The following FMNL3 variants were observed in gnomAD, a reference collection of about 807,000 sequenced individuals.
FMNL3 encodes the protein formin-like protein 3.
FMNL3 carries 57 observed loss-of-function variants against 119.6 expected under a neutral mutation model. The ratio of observed to expected loss-of-function variants is 0.48; its 90% CI spans 0.39 to 0.59. The LOEUF (loss-of-function observed/expected upper bound fraction) is 0.59, where lower values mean the gene tolerates loss of function less well. FMNL3 is among the 20% of genes least tolerant of loss of function. The probability of loss-of-function intolerance (pLI) is 0.00; values close to 1 mark genes in which losing one functional copy is unlikely to be tolerated. For synonymous variants in FMNL3, 491 were observed against 507.3 expected, an observed-to-expected ratio of 0.97 and a Z score of 0.43; for missense variants, 1,053 against 1,323.5, an observed-to-expected ratio of 0.80 and a Z score of 3.17.
rs763874091 is a variant in FMNL3 at position 49,668,450 on chromosome 12, CCT to C, written c.210+19_210+20del. ...CCAAGACACAACTCCCTACCTCCCT[CCT>C]CTTTCCCAAACCCCATACCTGGTCA... On this transcript the variant is annotated intron_variant, in intron 2 of 25. Transcript: ENST00000335154. The C allele has an allele frequency of 6.2e-7, 1 of 1,612,208 alleles. No individual in the cohort carries two copies. Among genetic ancestry groups the C allele is most frequent in the African/African-American group, 1.3e-5 (1 of 74,876 alleles).
Position 49,656,826 on chromosome 12 carries a change from G to C in FMNL3, c.788C>G (p.Pro263Arg). 1 of 1,613,578 alleles carries C rather than the reference G, an allele frequency of 6.2e-7. No individual in the cohort carries two copies. The highest frequency in any genetic ancestry group is 8.5e-7 in the Non-Finnish European group (1 of 1,179,512). ...EIALSLNNKNPRTKALVLELL... is the reference protein window; with the variant it reads ...EIALSLNNKNRRTKALVLELL... ...AAAGGGGAGGGAAGGAACTCACCTT[G>C]GATTCTTGTTATTGAGGCTAAGTGC... The change falls in exon 8 of 26, where the codon CCA (proline) becomes CGA (arginine). Residue 263 changes from proline (P) to arginine (R), a missense_variant. Around this residue, in one of 4 missense-constraint regions of FMNL3, gnomAD observed 445 missense variants for 628.4 expected, o/e 0.71. Transcript: ENST00000335154.
intron 1 of FMNL3, among the ~76,000 whole-genome samples, chr12:49,682,134 G>C (rs552106942): frequency 6.7e-6 from 1 of 150,174 alleles, no homozygotes; most frequent in South Asian, 2.1e-4. Context: ...GCAGTGGCTA[G>C]ATCTTGGCTC....
At chr12:49,677,753 T>C (rs1944229616) in intron 1 of FMNL3, among the ~76,000 whole-genome samples, 1 of 152,236 alleles carries the variant, frequency 6.6e-6, no homozygotes, top group African/African-American at 2.4e-5. Flanking sequence ...ACAGCATTGC[T>C]GTGAAAGAGG....
At chr12:49,677,512 T>A (rs1200068559) in intron 1 of FMNL3, among the ~76,000 whole-genome samples, 1 of 152,254 alleles carries the variant, frequency 6.6e-6, no homozygotes, top group Admixed American at 6.5e-5. Context: ...GATGATTAAA[T>A]AAGTTAATAT....
In FMNL3 at chr12:49,667,884, C is replaced by T. The variant is rs12321028; in HGVS notation, c.210+587G>A. On this transcript the variant is annotated intron_variant, in intron 2 of 25. Transcript: ENST00000335154. ...CTGCATACAGTCCTGTCTCATTTCACAGACTCGTGACTCATGATCTTCAAA... is the reference window on the plus strand; with the variant it reads ...CTGCATACAGTCCTGTCTCATTTCATAGACTCGTGACTCATGATCTTCAAA... 5.5e-3 allele frequency among the ~76,000 whole-genome samples: 842 copies of T among 152,334 alleles called. 5 individuals carry two copies. Among genetic ancestry groups the T allele is most frequent in the African/African-American group, 0.019 (807 of 41,564 alleles).
intron 22 of FMNL3, 54 bp downstream of exon 22, chr12:49,648,139 A>G (rs1592638215): frequency 6.5e-7 from 1 of 1,542,774 alleles, no homozygotes. Context: ...GGCCACCTAG[A>G]GGGGCCTGGT....
At position 49,707,249 on chromosome 12, in the gene FMNL3, C is replaced by G; in HGVS notation, c.-69G>C. On this transcript the variant is annotated 5_prime_UTR_variant, in exon 1 of 26. Transcript: ENST00000335154. ...CTCCGGAGCTTTCGGCTCCGCGGCT[C>G]CGACCAGGCTCCTCCCTCAGCGCCG... The G allele has an allele frequency of 2.2e-6, 3 of 1,361,598 alleles. No individual in the cohort carries two copies. The highest frequency in any genetic ancestry group is 2.9e-6 in the Non-Finnish European group (3 of 1,043,784). The allele number at this position is 1,361,598 out of a possible 1,614,324, so 84.3% of individuals were successfully genotyped here.
chr12:49,658,393 A>C (rs1185070124), intron 6 of FMNL3, 49 bp downstream of exon 6: 2 of 1,544,518 alleles, frequency 1.3e-6, no homozygotes, highest in Non-Finnish European at 1.7e-6. Flanking sequence ...CGAGACCTGC[A>C]CTGAAGGGTA....
chr12:49,705,830 C>T (rs1486622731), intron 1 of FMNL3, among the ~76,000 whole-genome samples: 2 of 152,228 alleles, frequency 1.3e-5, no homozygotes, highest in Non-Finnish European at 2.9e-5. Context: ...TTTGAGCCAG[C>T]TCTGGTGCCA....
intron 1 of FMNL3, among the ~76,000 whole-genome samples, chr12:49,673,234 C>A (rs537648998): frequency 6.6e-6 from 1 of 152,214 alleles, no homozygotes; most frequent in African/African-American, 2.4e-5. Flanking sequence ...CACTTCTCAA[C>A]GTGCTGCTGA....
At chr12:49,691,990 A>T (rs1592691737) in intron 1 of FMNL3, among the ~76,000 whole-genome samples, 1 of 135,744 alleles carries the variant, frequency 7.4e-6, no homozygotes, top group Non-Finnish European at 1.5e-5. Flanking sequence ...AACCAAGATC[A>T]CGCCACTGCA....
chr12:49,665,803 G>C (rs200923379), intron 4 of FMNL3, 29 bp downstream of exon 4: 7 of 1,610,810 alleles, frequency 4.3e-6, no homozygotes, highest in Middle Eastern at 3.3e-4. Flanking sequence ...GGGGCCAGAT[G>C]AAGAGGCTAT....
intron 1 of FMNL3, among the ~76,000 whole-genome samples, chr12:49,698,481 A>G (rs1479777853): frequency 6.6e-6 from 1 of 151,772 alleles, no homozygotes; most frequent in Non-Finnish European, 1.5e-5. Flanking sequence ...AAGAGTATGC[A>G]TAATAGTAAA....
intron 1 of FMNL3, among the ~76,000 whole-genome samples, chr12:49,695,121 G>A (rs868009491): frequency 6.6e-6 from 1 of 151,784 alleles, no homozygotes; most frequent in Non-Finnish European, 1.5e-5. Flanking sequence ...GGGCCCAAGA[G>A]TTCGACTCCA....
intron 1 of FMNL3, among the ~76,000 whole-genome samples, chr12:49,684,698 G>A (rs1477780844): frequency 1.3e-5 from 2 of 152,096 alleles, no homozygotes; most frequent in Admixed American, 1.3e-4. Context: ...AGCCCAAAGG[G>A]AGCAATTCAT....
chr12:49,667,796 C>T (rs181497770), intron 2 of FMNL3, among the ~76,000 whole-genome samples: 5 of 152,266 alleles, frequency 3.3e-5, no homozygotes, highest in Admixed American at 3.3e-4. Context: ...ACACACTACC[C>T]ACACTGCCAG....
intron 7 of FMNL3, 79 bp downstream of exon 7, chr12:49,657,003 C>G (rs1480929709): frequency 6.5e-7 from 1 of 1,549,120 alleles, no homozygotes; most frequent in Non-Finnish European, 8.9e-7. Context: ...CTTTTATAAG[C>G]TGATGCCCTC....
intron 1 of FMNL3, among the ~76,000 whole-genome samples, chr12:49,686,046 G>A (rs932913756): frequency 2.0e-5 from 3 of 152,152 alleles, no homozygotes; most frequent in South Asian, 2.1e-4. Context: ...CACCCTGGGC[G>A]ACAGAGCGAG....
rs1942392068 is a variant in FMNL3, at chr12:49,640,009, A to G, written c.*5806T>C. The G allele has an allele frequency of 6.6e-6, 1 of 152,250 alleles. No homozygotes were observed. Among genetic ancestry groups the G allele is most frequent in the Non-Finnish European group, 1.5e-5 (1 of 68,052 alleles). 9.4% of individuals were successfully genotyped at this position (152,250 alleles called of 1,614,324 possible). A position where few individuals can be genotyped will look rare whatever the true frequency, so the allele number is the denominator to read the frequency against. ...GGCCTGTAGGGGCCTATCCTCACTGAGTCCTGTCTCTCCACACAACCTGAG... is the reference window on the plus strand; with the variant it reads ...GGCCTGTAGGGGCCTATCCTCACTGGGTCCTGTCTCTCCACACAACCTGAG... On this transcript the variant is annotated 3_prime_UTR_variant, in exon 26 of 26. Transcript: ENST00000335154.
Sources: allele counts gnomAD v4.1 joint callset (sites outside exome capture counted in the v4.1 genomes callset), GRCh38; gene constraint gnomAD v4.1.1; regional missense constraint gnomAD v4.1.1; transcripts MANE v1.5; gene names NCBI Gene and HGNC (gene_info 2026-07-23, HGNC 2026-07-21).